The following KCTD1 variants were observed in gnomAD, a reference collection of about 807,000 sequenced individuals.
The protein encoded by KCTD1 is potassium channel tetramerization domain containing 1.
KCTD1 carries 24 observed loss-of-function variants against 66.0 expected under a neutral mutation model. That is an observed-to-expected ratio of 0.36 (90% CI 0.26 to 0.51). The LOEUF is 0.51. KCTD1 is among the 20% of genes least tolerant of loss of function. The probability of loss-of-function intolerance (pLI) is 0.95; values close to 1 mark genes in which losing one functional copy is unlikely to be tolerated. For synonymous variants in KCTD1, 511 were observed against 517.2 expected, an observed-to-expected ratio of 0.99 and a Z score of 0.16; for missense variants, 943 against 1,205.2, an observed-to-expected ratio of 0.78 and a Z score of 3.22.
rs1347572656 is a variant in KCTD1 at position 26,455,790 on chromosome 18, G to T, written c.2551C>A (p.Pro851Thr). The T allele has an allele frequency of 1.2e-6, 2 of 1,614,174 alleles. No homozygotes were observed. Among genetic ancestry groups the T allele is most frequent in the Non-Finnish European group, 1.7e-6 (2 of 1,180,026 alleles). The stretch of plus-strand genomic sequence containing the variant: ...ATCCGGATGACGGAGGGTACACGGG[G>T]CGTCCGCCTCAGTTCCCGCCGAAGG... ...YVLRRELRRT[P>T]RVPSVIRIKQ... Residue 851 changes from proline (P) to threonine (T), a missense_variant, in exon 5 of 5, where the codon CCC becomes ACC. By Grantham distance (38) the Pro-to-Thr change is conservative. Around this residue, in one of 10 missense-constraint regions of KCTD1, gnomAD observed 162 missense variants for 232.4 expected, o/e 0.70. Coordinates refer to ENST00000580059, the MANE Select transcript of KCTD1 (RefSeq NM_001142730.3).
intron 1 of KCTD1, among the ~76,000 whole-genome samples, chr18:26,623,175 C>T (rs1011852424): frequency 6.6e-6 from 1 of 152,208 alleles, no homozygotes; most frequent in South Asian, 2.1e-4. Context: ...CCGCCCTTAA[C>T]ATTTCTTCTC....
intron 1 of KCTD1, among the ~76,000 whole-genome samples, chr18:26,628,323 T>TACACACACACACATGC (rs1555648262): frequency 2.0e-5 from 3 of 151,794 alleles, no homozygotes; most frequent in Non-Finnish European, 4.4e-5. Context: ...GCATCTATAA[T>TACACACACACACATGC]ACACACACAC....
intron 1 of KCTD1, among the ~76,000 whole-genome samples, chr18:26,532,252 T>A (rs1984470481): frequency 9.0e-6 from 1 of 111,074 alleles, no homozygotes; most frequent in Non-Finnish European, 1.9e-5. Flanking sequence ...CTTTTTCTTT[T>A]CTTTCCTTCT....
At chr18:26,591,540 T>G (rs901870266) in intron 1 of KCTD1, 1 of 152,206 alleles carries the variant, frequency 6.6e-6, no homozygotes, top group Non-Finnish European at 1.5e-5. Flanking sequence ...CAAATTCTTT[T>G]CAAGGTGCAG....
intron 3 of KCTD1, among the ~76,000 whole-genome samples, chr18:26,460,566 C>G (rs900407230): frequency 1.3e-5 from 2 of 152,122 alleles, no homozygotes; most frequent in Admixed American, 6.6e-5. Context: ...GGCTGGTGGA[C>G]AGCTGGAAGG....
At chr18:26,542,262 C>T (rs1330249997) in intron 1 of KCTD1, among the ~76,000 whole-genome samples, 1 of 152,160 alleles carries the variant, frequency 6.6e-6, no homozygotes, top group Non-Finnish European at 1.5e-5. Flanking sequence ...AATCCATATC[C>T]CCTTTTTTTG....
intron 1 of KCTD1, among the ~76,000 whole-genome samples, chr18:26,610,354 C>T (rs1185381397): frequency 6.6e-6 from 1 of 152,258 alleles, no homozygotes; most frequent in African/African-American, 2.4e-5. Context: ...AGGTAGATTG[C>T]TTGAGCCCAG....
chr18:26,589,174 G>A (rs1431537057), intron 1 of KCTD1, among the ~76,000 whole-genome samples: 1 of 152,206 alleles, frequency 6.6e-6, no homozygotes, highest in Non-Finnish European at 1.5e-5. Context: ...GGGAGGACAG[G>A]ATGGTAACGT....
At chr18:26,471,627 G>C (rs1373983428) in intron 3 of KCTD1, among the ~76,000 whole-genome samples, 3 of 152,020 alleles carry the variant, frequency 2.0e-5, no homozygotes, top group Non-Finnish European at 2.9e-5. Context: ...GGATCCTTGT[G>C]GTGATGGAAC....
At chr18:26,511,948 C>G (rs1295276884) in intron 1 of KCTD1, among the ~76,000 whole-genome samples, 1 of 152,210 alleles carries the variant, frequency 6.6e-6, no homozygotes, top group African/African-American at 2.4e-5. Context: ...TCCCCCAACT[C>G]TTAGTTCCAT....
upstream of KCTD1, among the ~76,000 whole-genome samples, chr18:26,632,888 A>T (rs140110782): frequency 3.3e-5 from 5 of 152,334 alleles, no homozygotes; most frequent in East Asian, 9.6e-4. Context: ...CCAAAGAAAT[A>T]TAGAAATTTT....
At chr18:26,514,952 C>G (rs911668081) in intron 1 of KCTD1, among the ~76,000 whole-genome samples, 4 of 152,184 alleles carry the variant, frequency 2.6e-5, no homozygotes, top group African/African-American at 9.7e-5. Flanking sequence ...GATTAAGAAG[C>G]AGGCATTTGA....
chr18:26,460,077 C>T (rs746102508), intron 3 of KCTD1, 152 bp from the exon 4 acceptor site: 9 of 620,898 alleles, frequency 1.4e-5, no homozygotes, highest in East Asian at 5.5e-5. Flanking sequence ...TGTAGAGGCT[C>T]AATTTGCATT....
chr18:26,608,362 T>C (rs937703522), intron 1 of KCTD1, among the ~76,000 whole-genome samples: 1 of 152,228 alleles, frequency 6.6e-6, no homozygotes, highest in Non-Finnish European at 1.5e-5. Context: ...GGTAGGATCT[T>C]GTGATCTGTG....
At chr18:26,607,034 T>C (rs186534102) in intron 1 of KCTD1, among the ~76,000 whole-genome samples, 145 of 152,272 alleles carry the variant, frequency 9.5e-4, no homozygotes, top group Non-Finnish European at 1.3e-3. Flanking sequence ...GCTGCTTTCT[T>C]TCTTTTTTAT....
chr18:26,566,266 CCAAGGAT>C (rs1368434781), intron 1 of KCTD1: 1 of 152,176 alleles, frequency 6.6e-6, no homozygotes, highest in African/African-American at 2.4e-5. Flanking sequence ...CATGGTCTGT[CCAAGGAT>C]CCTAGCACTG....
At chr18:26,643,732 G>A (rs1987875618), upstream of KCTD1, among the ~76,000 whole-genome samples, 1 of 152,132 alleles carries the variant, frequency 6.6e-6, no homozygotes, top group Non-Finnish European at 1.5e-5. Flanking sequence ...GGAGGCCAAG[G>A]CGGGCATATC....
intron 2 of KCTD1, among the ~76,000 whole-genome samples, chr18:26,500,199 T>C (rs79967040): frequency 2.0e-5 from 3 of 151,882 alleles, no homozygotes; most frequent in African/African-American, 7.3e-5. Flanking sequence ...GAAGAATTGC[T>C]GAGGCCAGGA....
intron 1 of KCTD1, among the ~76,000 whole-genome samples, chr18:26,506,511 C>T (rs1983045780): frequency 1.3e-5 from 2 of 152,158 alleles, no homozygotes; most frequent in Admixed American, 1.3e-4. Context: ...CACATGGTAC[C>T]TTTCAGAAAT....
Sources: allele counts gnomAD v4.1 joint callset (sites outside exome capture counted in the v4.1 genomes callset), GRCh38; gene constraint gnomAD v4.1.1; regional missense constraint gnomAD v4.1.1; transcripts MANE v1.5; gene names NCBI Gene and HGNC (gene_info 2026-07-23, HGNC 2026-07-21).